The following AFF3 variants were observed in gnomAD, a reference collection of about 807,000 sequenced individuals.
AFF3 encodes ALF transcription elongation factor 3.
Under a neutral mutation model 129.7 loss-of-function variants are expected in AFF3, and 32 were observed. The observed-to-expected ratio is 0.25, with a 90% CI of 0.19 to 0.33. The LOEUF is 0.33. AFF3 is among the 10% of genes least tolerant of loss of function. AFF3 has a pLI of 1.00. For synonymous variants in AFF3, 644 were observed against 635.4 expected (o/e 1.01, Z -0.20); for missense variants, 1,373 against 1,592.0 (o/e 0.86, Z 2.34).
intron 7 of AFF3, among the ~76,000 whole-genome samples, chr2:99,864,769 T>C (rs959777737): frequency 2.0e-5 from 3 of 152,238 alleles, no homozygotes; most frequent in Admixed American, 6.5e-5. Flanking sequence ...AAGCTTTGCC[T>C]GAATTCTGCT....
At chr2:99,723,218 C>T (rs1679065089) in intron 11 of AFF3, among the ~76,000 whole-genome samples, 1 of 152,114 alleles carries the variant, frequency 6.6e-6, no homozygotes, top group African/African-American at 2.4e-5. Flanking sequence ...CATAGGATCA[C>T]TAAATAATAT....
intron 22 of AFF3, 87 bp from the exon 23 acceptor site, chr2:99,554,819 G>C (rs1674771577): frequency 6.7e-7 from 1 of 1,489,770 alleles, no homozygotes; most frequent in African/African-American, 1.4e-5. Context: ...TGACTGCAGA[G>C]AGAAGCAAAG....
chr2:100,023,865 T>C (rs529646407), intron 4 of AFF3, among the ~76,000 whole-genome samples: 20 of 152,350 alleles, frequency 1.3e-4, no homozygotes, highest in Admixed American at 1.2e-3. Context: ...ACAGGTGGCC[T>C]GGGTAGGCTG....
chr2:99,747,627 A>C (rs1458483563), intron 9 of AFF3, among the ~76,000 whole-genome samples: 2 of 152,150 alleles, frequency 1.3e-5, no homozygotes, highest in Admixed American at 1.3e-4. Context: ...GTAAACTTTA[A>C]ATTTTAACTA....
rs556091594 is a variant in AFF3, at chr2:100,140,347, C to A, written c.-228+2137G>T. 1.1e-4 allele frequency among the ~76,000 whole-genome samples: 17 copies of A among 152,324 alleles called. 1 individual carries two copies. In the South Asian group the frequency reaches 3.5e-3, roughly 32 times the overall value. On this transcript the variant is annotated intron_variant, in intron 1 of 24. Coordinates refer to ENST00000672756, the MANE Select transcript of AFF3 (RefSeq NM_001386135.1). Reference sequence around the variant, plus strand: ...TTAGAAACCAGCATCCAGCTCCTCACCATGCCTTCAGCTTTCTCTGTGACT... The same window carrying A: ...TTAGAAACCAGCATCCAGCTCCTCAACATGCCTTCAGCTTTCTCTGTGACT...
intron 15 of AFF3, among the ~76,000 whole-genome samples, chr2:99,592,928 T>A (rs558863920): frequency 1.5e-5 from 1 of 68,658 alleles, no homozygotes; most frequent in Non-Finnish European, 2.9e-5. Context: ...AGAGTGAGAC[T>A]CCCTCCCCCC....
At chr2:99,763,184 G>T (rs1682756939) in intron 8 of AFF3, among the ~76,000 whole-genome samples, 1 of 152,212 alleles carries the variant, frequency 6.6e-6, no homozygotes. Context: ...CCTAGCATTT[G>T]TGGGCAAAGA....
At chr2:99,946,745 G>A (rs1257481399) in intron 7 of AFF3, among the ~76,000 whole-genome samples, 1 of 152,164 alleles carries the variant, frequency 6.6e-6, no homozygotes, top group African/African-American at 2.4e-5. Context: ...TCTGTTGGAG[G>A]AAACAACAGT....
Position 99,694,068 on chromosome 2 carries a change from C to A in AFF3, c.1092-21479G>T, listed in dbSNP as rs546706057. Among the ~76,000 whole-genome samples the A allele has an allele frequency of 7.2e-5, 11 of 152,212 alleles. No homozygotes were observed. In the East Asian group the frequency reaches 2.1e-3, roughly 29 times the overall value. The stretch of plus-strand genomic sequence containing the variant: ...GAGTAGCTGGGATTACAGGCATGCA[C>A]CACCACACTCGGCTAATTTTTGTAT... On this transcript the variant is annotated intron_variant, in intron 11 of 24. Coordinates refer to ENST00000672756, the MANE Select transcript of AFF3 (RefSeq NM_001386135.1).
intron 7 of AFF3, among the ~76,000 whole-genome samples, chr2:99,961,360 C>T (rs2104326751): frequency 6.6e-6 from 1 of 152,358 alleles, no homozygotes; most frequent in African/African-American, 2.4e-5. Context: ...TCAAGTCAGG[C>T]TGGAAGATGT....
chr2:99,915,052 C>T (rs1695385353), intron 7 of AFF3, among the ~76,000 whole-genome samples: 1 of 152,076 alleles, frequency 6.6e-6, no homozygotes, highest in Admixed American at 6.6e-5. Context: ...CAGGGCAAAG[C>T]AACGTGGTGA....
At chr2:99,841,261 C>T (rs553473354) in intron 7 of AFF3, among the ~76,000 whole-genome samples, 5 of 152,290 alleles carry the variant, frequency 3.3e-5, no homozygotes, top group Admixed American at 6.5e-5. Context: ...TAAGGAAATG[C>T]GCTGAGAGAG....
At chr2:99,887,087 T>C (rs1693165185) in intron 7 of AFF3, among the ~76,000 whole-genome samples, 1 of 152,226 alleles carries the variant, frequency 6.6e-6, no homozygotes, top group African/African-American at 2.4e-5. Context: ...GAAATGGTTC[T>C]GCCCTCTGTT....
In AFF3 at chr2:99,922,317, T is replaced by C. The variant is rs144732162; in HGVS notation, c.873+84315A>G. On this transcript the variant is annotated intron_variant, in intron 7 of 24. Coordinates refer to ENST00000672756, the MANE Select transcript of AFF3 (RefSeq NM_001386135.1). ...ATTCATAATAACCCCAAACTAGAAATAGCCTGGATTTCCATCAAGGGATCA... is the reference window on the plus strand; with the variant it reads ...ATTCATAATAACCCCAAACTAGAAACAGCCTGGATTTCCATCAAGGGATCA... 7.1e-3 allele frequency among the ~76,000 whole-genome samples: 1,083 copies of C among 152,246 alleles called. 6 individuals are homozygous for C. Among genetic ancestry groups the C allele is most frequent in the Non-Finnish European group, 0.011 (736 of 68,006 alleles).
At chr2:99,754,753 C>T (rs1681948181) in intron 8 of AFF3, among the ~76,000 whole-genome samples, 1 of 152,154 alleles carries the variant, frequency 6.6e-6, no homozygotes, top group Non-Finnish European at 1.5e-5. Flanking sequence ...AGCTGTGATT[C>T]TTAAGGGTGG....
At chr2:99,790,362 T>C (rs1290270675) in intron 8 of AFF3, among the ~76,000 whole-genome samples, 1 of 152,212 alleles carries the variant, frequency 6.6e-6, no homozygotes, top group Non-Finnish European at 1.5e-5. Context: ...AACATCTACA[T>C]ACAATGGGCC....
intron 8 of AFF3, among the ~76,000 whole-genome samples, chr2:99,816,140 T>C (rs866847198): frequency 1.3e-5 from 2 of 152,150 alleles, no homozygotes; most frequent in African/African-American, 4.8e-5. Context: ...AGTCTATTGA[T>C]GAACTCATTA....
At chr2:99,657,386 C>T (rs1206801054) in intron 12 of AFF3, among the ~76,000 whole-genome samples, 1 of 152,186 alleles carries the variant, frequency 6.6e-6, no homozygotes, top group Non-Finnish European at 1.5e-5. Flanking sequence ...GCCCTGGATT[C>T]TAGTCATTTT....
chr2:100,016,123 GTGA>G (rs1381315470), intron 4 of AFF3, among the ~76,000 whole-genome samples: 37 of 151,506 alleles, frequency 2.4e-4, no homozygotes, highest in African/African-American at 3.6e-4. Flanking sequence ...GGTAGCAATG[GTGA>G]TGGTGGTGGT....
Sources: allele counts gnomAD v4.1 joint callset (sites outside exome capture counted in the v4.1 genomes callset), GRCh38; gene constraint gnomAD v4.1.1; transcripts MANE v1.5; gene names NCBI Gene and HGNC (gene_info 2026-07-23, HGNC 2026-07-21).